AGBL1: variants seen among roughly 807,000 people sequenced by gnomAD.
AGBL1 encodes the protein cytosolic carboxypeptidase 4.
A neutral mutation model predicts 118.9 loss-of-function variants in AGBL1; 130 were observed. The ratio of observed to expected loss-of-function variants is 1.09; its 90% confidence interval spans 0.95 to 1.26. The LOEUF (loss-of-function observed/expected upper bound fraction) is 1.26. Ranked by LOEUF, AGBL1 falls within the 50% of genes most tolerant of loss-of-function variation. AGBL1 has a pLI of 0.00. For missense variants in AGBL1, 1,584 were observed against 1,298.1 expected (o/e 1.22, Z -3.38); for synonymous variants, 555 against 478.9 (o/e 1.16, Z -2.08).
Position 86,097,876 on chromosome 15 carries a change from T to A in AGBL1, c.51+17853T>A, listed in dbSNP as rs142942650. Among the ~76,000 whole-genome samples, 895 of 152,238 alleles carry A rather than the reference T, an allele frequency of 5.9e-3. 6 individuals carry two copies. Among genetic ancestry groups the A allele is most frequent in the Middle Eastern group, 0.021 (6 of 292 alleles). ...GATCATATGGTAGTTCTATTTTTAG[T>A]TTTTTTAGAAATCTCCATACTGTTT... is the stretch of plus-strand genomic sequence containing the variant. On this transcript the variant is annotated intron_variant, in intron 1 of 22. Coordinates refer to ENST00000614907, the MANE Select transcript of AGBL1 (RefSeq NM_001386094.1).
intron 22 of AGBL1, among the ~76,000 whole-genome samples, chr15:86,816,487 A>G (rs1400083721): frequency 6.6e-6 from 1 of 152,244 alleles, no homozygotes; most frequent in East Asian, 1.9e-4. Context: ...GGATAGGTTA[A>G]AAGGAAATAG....
intron 17 of AGBL1, among the ~76,000 whole-genome samples, chr15:86,368,219 G>A (rs1225850162): frequency 1.3e-5 from 2 of 152,024 alleles, no homozygotes; most frequent in East Asian, 3.9e-4. Context: ...TGGACTGGGG[G>A]TCTGAAGGTG....
intron 1 of AGBL1, among the ~76,000 whole-genome samples, chr15:86,117,105 T>C (rs1367228234): frequency 6.6e-6 from 1 of 152,156 alleles, no homozygotes; most frequent in African/African-American, 2.4e-5. Flanking sequence ...CTAAAATCAC[T>C]ATTTTATTCC....
chr15:86,530,106 C>A (rs2083328081), intron 19 of AGBL1, among the ~76,000 whole-genome samples: 5 of 135,600 alleles, frequency 3.7e-5, no homozygotes, highest in Admixed American at 2.7e-4. Flanking sequence ...TCACACATAA[C>A]AATATCAACT....
At chr15:86,460,882 C>T (rs1359308673) in intron 18 of AGBL1, among the ~76,000 whole-genome samples, 3 of 152,202 alleles carry the variant, frequency 2.0e-5, no homozygotes, top group African/African-American at 7.2e-5. Context: ...CCTCTTGGGT[C>T]ACAACCGCTT....
intron 22 of AGBL1, among the ~76,000 whole-genome samples, chr15:86,904,209 C>T (rs1355652776): frequency 6.6e-6 from 1 of 152,170 alleles, no homozygotes; most frequent in African/African-American, 2.4e-5. Flanking sequence ...TGTTCCAGCT[C>T]CAAATCTAGA....
intron 19 of AGBL1, among the ~76,000 whole-genome samples, chr15:86,534,040 C>A (rs1292654479): frequency 2.5e-5 from 3 of 121,928 alleles, no homozygotes; most frequent in Non-Finnish European, 3.3e-5. Context: ...TGCAGCGCAC[C>A]AGCATGGCAC....
chr15:86,161,576 G>A (rs553173933), intron 5 of AGBL1, among the ~76,000 whole-genome samples: 3 of 152,218 alleles, frequency 2.0e-5, no homozygotes, highest in East Asian at 3.9e-4. Flanking sequence ...TATGTAAGAC[G>A]ATCATATGCA....
At chr15:86,284,688 G>A (rs2079413251) in intron 16 of AGBL1, among the ~76,000 whole-genome samples, 5 of 152,120 alleles carry the variant, frequency 3.3e-5, no homozygotes, top group Admixed American at 3.3e-4. Context: ...AGCAGTTTAG[G>A]GGGTAACAAT....
At chr15:86,929,061 C>T (rs924910440) in intron 23 of AGBL1, among the ~76,000 whole-genome samples, 6 of 151,928 alleles carry the variant, frequency 3.9e-5, no homozygotes, top group Admixed American at 1.3e-4. Context: ...TTGGTTCTGT[C>T]GACAGGCTGG....
At chr15:87,002,121 T>G (rs1196340322) in intron 24 of AGBL1, among the ~76,000 whole-genome samples, 1 of 152,074 alleles carries the variant, frequency 6.6e-6, no homozygotes, top group Non-Finnish European at 1.5e-5. Flanking sequence ...GGTCTAACAT[T>G]TAAGTCTTTA....
In AGBL1 at chr15:86,862,947, C is replaced by T. The variant is rs528673213; in HGVS notation, c.3159-44140C>T. On this transcript the variant is annotated intron_variant, in intron 22 of 22. Coordinates refer to ENST00000614907, the MANE Select transcript of AGBL1 (RefSeq NM_001386094.1). ...AACATGGTAGCTAGAAACACAGGTA[C>T]TTGCTGATGAATATGGGCAAAAACT... Among the ~76,000 whole-genome samples, 9 of 152,284 alleles carry T rather than the reference C, an allele frequency of 5.9e-5. No individual in the cohort carries two copies. In the South Asian group the frequency reaches 1.7e-3, roughly 28 times the overall value.
chr15:87,023,566 G>C (rs1041206788), intron 24 of AGBL1, among the ~76,000 whole-genome samples: 2 of 151,982 alleles, frequency 1.3e-5, no homozygotes, highest in Non-Finnish European at 2.9e-5. Context: ...GACATCACTA[G>C]ACAGGTCATC....
At chr15:86,435,916 C>T (rs568178033) in intron 18 of AGBL1, among the ~76,000 whole-genome samples, 48 of 152,204 alleles carry the variant, frequency 3.2e-4, no homozygotes, top group Admixed American at 1.4e-3. Flanking sequence ...TATATAGCAA[C>T]ACAATAATAA....
At position 86,087,332 on chromosome 15, in the gene AGBL1, C is replaced by CT. The variant is rs565797859; in HGVS notation, c.51+7325dup. Among the ~76,000 whole-genome samples the CT allele has an allele frequency of 8.9e-3, 1,208 of 135,414 alleles. 8 individuals carry two copies. The highest frequency in any genetic ancestry group is 0.015 in the South Asian group (63 of 4,240). 88.8% of individuals were successfully genotyped at this position (135,414 alleles called of 152,430 possible). A position where few individuals can be genotyped will look rare whatever the true frequency, so the allele number is the denominator to read the frequency against. Reference sequence around the variant, plus strand: ...CACATGCATTGTCTCATTTAATGGGCTTTTTTTTTTTTTTTTGACATTGTC... The same window carrying CT: ...CACATGCATTGTCTCATTTAATGGGCTTTTTTTTTTTTTTTTTGACATTGTC... On this transcript the variant is annotated intron_variant, in intron 1 of 22. Coordinates refer to ENST00000614907, the MANE Select transcript of AGBL1 (RefSeq NM_001386094.1).
At chr15:86,902,628 G>C (rs890129943) in intron 22 of AGBL1, among the ~76,000 whole-genome samples, 1 of 152,064 alleles carries the variant, frequency 6.6e-6, no homozygotes, top group African/African-American at 2.4e-5. Context: ...CTTCCCATGA[G>C]AATGTTTTAA....
chr15:86,185,339 A>T (rs544088077), intron 5 of AGBL1, among the ~76,000 whole-genome samples: 1 of 152,318 alleles, frequency 6.6e-6, no homozygotes, highest in East Asian at 1.9e-4. Context: ...ATTGTGGAAG[A>T]TAGTGTGGTG....
intron 17 of AGBL1, among the ~76,000 whole-genome samples, chr15:86,340,295 C>G (rs79652871): frequency 3.1e-5 from 1 of 31,986 alleles, no homozygotes; most frequent in Non-Finnish European, 1.5e-4. Flanking sequence ...GCCTCCACTG[C>G]CCCCCCCCCA....
chr15:86,208,779 T>C (rs1382432387), intron 5 of AGBL1, among the ~76,000 whole-genome samples: 1 of 152,216 alleles, frequency 6.6e-6, no homozygotes, highest in Non-Finnish European at 1.5e-5. Flanking sequence ...AGCTCCTGGA[T>C]TCATTGATTT....
Sources: gnomAD v4.1 joint callset for allele counts (sites outside exome capture counted in the v4.1 genomes callset) on GRCh38, gnomAD v4.1.1 for gene constraint, MANE v1.5 for transcripts, NCBI Gene and HGNC (gene_info 2026-07-23, HGNC 2026-07-21) for gene names.